The following FRYL variants were observed in gnomAD, a reference collection of about 807,000 sequenced individuals.
FRYL encodes protein furry homolog-like.
A neutral mutation model predicts 351.2 loss-of-function variants in FRYL; 150 were observed. The ratio of observed to expected loss-of-function variants is 0.43; its 90% CI spans 0.37 to 0.49. The LOEUF is 0.49. FRYL is among the 20% of genes least tolerant of loss of function. The probability of loss-of-function intolerance (pLI) is 0.00; values close to 1 mark genes in which losing one functional copy is unlikely to be tolerated. For synonymous variants in FRYL, 1,153 were observed against 1,257.1 expected, an observed-to-expected ratio of 0.92 and a Z score of 1.75; for missense variants, 3,036 against 3,619.3, an observed-to-expected ratio of 0.84 and a Z score of 4.13.
intron 33 of FRYL, among the ~76,000 whole-genome samples, chr4:48,560,888 G>A (rs1735348943): frequency 6.6e-6 from 1 of 152,118 alleles, no homozygotes; most frequent in South Asian, 2.1e-4. Context: ...TATCTCTTGA[G>A]CCCAAATGAA....
chr4:48,703,422 G>C (rs1308301732), intron 2 of FRYL, among the ~76,000 whole-genome samples: 2 of 152,124 alleles, frequency 1.3e-5, no homozygotes, highest in Non-Finnish European at 2.9e-5. Flanking sequence ...GATTACCCCT[G>C]CCACAGCCAG....
intron 2 of FRYL, among the ~76,000 whole-genome samples, chr4:48,694,845 G>C (rs1766004434): frequency 6.6e-6 from 1 of 152,244 alleles, no homozygotes. Flanking sequence ...GCCAACGCAG[G>C]GGGATCACTT....
At chr4:48,520,441 A>AT (rs1178297222) in intron 55 of FRYL, 1 of 152,212 alleles carries the variant, frequency 6.6e-6, no homozygotes, top group Non-Finnish European at 1.5e-5. Flanking sequence ...TTACCAAGGA[A>AT]TAAAAAAAGC....
chr4:48,678,501 C>G (rs1045161677), intron 3 of FRYL, among the ~76,000 whole-genome samples: 1 of 68,022 alleles, frequency 1.5e-5, no homozygotes, highest in Non-Finnish European at 2.6e-5. Flanking sequence ...GAGCAAAACT[C>G]CATCTCAAAA....
chr4:48,627,267 C>T (rs2149344153), intron 4 of FRYL, among the ~76,000 whole-genome samples: 1 of 152,168 alleles, frequency 6.6e-6, no homozygotes, highest in Admixed American at 6.5e-5. Context: ...TAAGAGGTTT[C>T]TTTCTAACTT....
intron 1 of FRYL, among the ~76,000 whole-genome samples, chr4:48,768,947 AC>A (rs1240159464): frequency 2.6e-5 from 4 of 152,182 alleles, no homozygotes; most frequent in African/African-American, 9.7e-5. Flanking sequence ...CCTGGACAAC[AC>A]AGCGACGCCC....
At chr4:48,551,062 T>C (rs375161186) in intron 37 of FRYL, among the ~76,000 whole-genome samples, 1 of 148,684 alleles carries the variant, frequency 6.7e-6, no homozygotes, top group East Asian at 2.0e-4. Flanking sequence ...CGAGACTCCA[T>C]CTCAATAAAA....
intron 1 of FRYL, among the ~76,000 whole-genome samples, chr4:48,746,893 C>T (rs1772738955): frequency 6.6e-6 from 1 of 152,218 alleles, no homozygotes; most frequent in African/African-American, 2.4e-5. Context: ...AAGCCATAGT[C>T]TGACTGTAGC....
chr4:48,547,925 C>A (rs1183298984), intron 40 of FRYL, among the ~76,000 whole-genome samples, 156 bp from the exon 41 acceptor site: 1 of 152,038 alleles, frequency 6.6e-6, no homozygotes, highest in Non-Finnish European at 1.5e-5. Flanking sequence ...TTCTTATATA[C>A]TTTTACAATA....
intron 50 of FRYL, among the ~76,000 whole-genome samples, chr4:48,530,325 A>G (rs1727263045): frequency 6.7e-6 from 1 of 150,072 alleles, no homozygotes; most frequent in Non-Finnish European, 1.5e-5. Flanking sequence ...TTTGTAAACC[A>G]TCTCTCTTCC....
At chr4:48,584,508 A>T (rs770247991) in intron 19 of FRYL, among the ~76,000 whole-genome samples, 4 of 152,212 alleles carry the variant, frequency 2.6e-5, no homozygotes, top group Non-Finnish European at 5.9e-5. Flanking sequence ...GGTCAAATGA[A>T]GCATCTCTAG....
intron 1 of FRYL, among the ~76,000 whole-genome samples, chr4:48,737,409 A>G (rs1377403514): frequency 6.6e-6 from 1 of 152,206 alleles, no homozygotes; most frequent in African/African-American, 2.4e-5. Context: ...CTTGAAAGCC[A>G]TAATCTACCA....
chr4:48,557,235 C>A, intron 34 of FRYL, 117 bp from the exon 35 acceptor site: 1 of 1,278,764 alleles, frequency 7.8e-7, no homozygotes, highest in South Asian at 1.6e-5. Context: ...ATCGTTTCCA[C>A]ACTTTACAGA....
intron 15 of FRYL, among the ~76,000 whole-genome samples, chr4:48,595,077 C>T (rs925035823): frequency 2.6e-5 from 4 of 152,140 alleles, no homozygotes; most frequent in Non-Finnish European, 4.4e-5. Flanking sequence ...TGGTGAGGAC[C>T]GTAGCAGATG....
chr4:48,586,857 T>C, intron 18 of FRYL, 129 bp from the exon 19 acceptor site: 2 of 588,084 alleles, frequency 3.4e-6, no homozygotes, highest in Non-Finnish European at 5.9e-6. Context: ...ATTTTAAAAA[T>C]GCACATAAAT....
rs71660455 is a variant in FRYL, at chr4:48,632,055, C to CAAAAAAA, written c.120+2229_120+2235dup. ...GAGACACAGCAAGACCCTGTCTCTC[C>CAAAAAAA]AAAAAAAAAAAAAAAAAAAAAAAAA... On this transcript the variant is annotated intron_variant, in intron 4 of 63. Transcript: ENST00000358350. 8.8e-5 allele frequency among the ~76,000 whole-genome samples: 2 copies of CAAAAAAA among 22,602 alleles called. 1 individual carries two copies. Among genetic ancestry groups the CAAAAAAA allele is most frequent in the Non-Finnish European group, 1.4e-4 (2 of 13,826 alleles). 14.8% of individuals were successfully genotyped at this position (22,602 alleles called of 152,430 possible). A position where few individuals can be genotyped will look rare whatever the true frequency, so the allele number is the denominator to read the frequency against.
At chr4:48,518,182 A>G (rs1486761762) in intron 55 of FRYL, among the ~76,000 whole-genome samples, 2 of 152,126 alleles carry the variant, frequency 1.3e-5, no homozygotes, top group East Asian at 3.8e-4. Flanking sequence ...GGTGTGATCT[A>G]TGGTGTGATC....
chr4:48,602,244 C>T (rs1029759657), intron 12 of FRYL, 123 bp from the exon 13 acceptor site: 11 of 597,874 alleles, frequency 1.8e-5, no homozygotes, highest in African/African-American at 1.1e-4. Context: ...TTTTCCAATT[C>T]GTAATAAGAA....
chr4:48,716,004 GA>G (rs1443254571), intron 1 of FRYL, among the ~76,000 whole-genome samples: 1 of 152,142 alleles, frequency 6.6e-6, no homozygotes, highest in Non-Finnish European at 1.5e-5. Context: ...TGACAAACCT[GA>G]GAAAAACAAG....
Sources: gnomAD v4.1 joint callset for allele counts (sites outside exome capture counted in the v4.1 genomes callset) on GRCh38, gnomAD v4.1.1 for gene constraint, MANE v1.5 for transcripts, NCBI Gene and HGNC (gene_info 2026-07-23, HGNC 2026-07-21) for gene names.